The following PPP1R12A variants were observed in gnomAD, a reference collection of about 807,000 sequenced individuals.
PPP1R12A encodes the protein myosin binding subunit.
PPP1R12A carries 19 observed loss-of-function variants against 139.6 expected under a neutral mutation model. The ratio of observed to expected loss-of-function variants is 0.14; its 90% confidence interval spans 0.09 to 0.20. The LOEUF is 0.20. Among genes scored for constraint, PPP1R12A ranks in the 10% least tolerant of loss-of-function variants. The pLI is 1.00. For synonymous variants in PPP1R12A, 427 were observed against 420.6 expected, an observed-to-expected ratio of 1.02 and a Z score of -0.19; for missense variants, 925 against 1,211.5, an observed-to-expected ratio of 0.76 and a Z score of 3.51.
chr12:79,819,336 G>A (rs553375433), intron 8 of PPP1R12A: 15 of 152,258 alleles, frequency 9.9e-5, no homozygotes, highest in Middle Eastern at 3.4e-3. Context: ...TGGTAAAACT[G>A]GCCTAAGGTC....
chr12:79,887,075 A>C (rs1358940988), intron 1 of PPP1R12A, among the ~76,000 whole-genome samples: 1 of 152,154 alleles, frequency 6.6e-6, no homozygotes, highest in African/African-American at 2.4e-5. Flanking sequence ...TAATGCAGTA[A>C]GTCATTCATT....
chr12:79,856,118 C>A (rs1254824351), intron 2 of PPP1R12A, among the ~76,000 whole-genome samples: 1 of 152,142 alleles, frequency 6.6e-6, no homozygotes, highest in Non-Finnish European at 1.5e-5. Context: ...CTTGCCCAAC[C>A]TCTCTAATTT....
intron 14 of PPP1R12A, among the ~76,000 whole-genome samples, chr12:79,800,166 T>C (rs1024206841): frequency 4.6e-5 from 7 of 152,166 alleles, no homozygotes; most frequent in Admixed American, 3.9e-4. Context: ...AGAACACTTA[T>C]AGAACCAGAG....
chr12:79,887,620 A>G (rs911677391), intron 1 of PPP1R12A, among the ~76,000 whole-genome samples: 2 of 152,200 alleles, frequency 1.3e-5, no homozygotes, highest in African/African-American at 4.8e-5. Context: ...AGGCAGATAC[A>G]GAGAAAGGTT....
At chr12:79,935,099 G>T, upstream of PPP1R12A, 1 of 1,367,822 alleles carries the variant, frequency 7.3e-7, no homozygotes. Flanking sequence ...CAGAGCACTG[G>T]GGCGGCGCAC....
chr12:79,782,857 A>T (rs1417902237), intron 22 of PPP1R12A, among the ~76,000 whole-genome samples: 1 of 152,192 alleles, frequency 6.6e-6, no homozygotes, highest in Non-Finnish European at 1.5e-5. Flanking sequence ...TTAAAAACAT[A>T]TTGATTAAAC....
At chr12:79,878,153 T>G (rs982968190) in intron 1 of PPP1R12A, among the ~76,000 whole-genome samples, 1 of 152,004 alleles carries the variant, frequency 6.6e-6, no homozygotes, top group Non-Finnish European at 1.5e-5. Context: ...TTCACTTAAT[T>G]GTATACTTAA....
At chr12:79,782,467 AT>A in intron 22 of PPP1R12A, 3 of 393,216 alleles carry the variant, frequency 7.6e-6, no homozygotes, top group Non-Finnish European at 5.0e-6. Context: ...CAGGCCTTTC[AT>A]TTTTTCCACT....
intron 2 of PPP1R12A, among the ~76,000 whole-genome samples, chr12:79,856,455 T>C (rs1880668711): frequency 6.6e-6 from 1 of 152,366 alleles, no homozygotes; most frequent in African/African-American, 2.4e-5. Context: ...TAAATGCATA[T>C]TTATTTATCC....
chr12:79,861,280 A>T (rs759664390), intron 2 of PPP1R12A, among the ~76,000 whole-genome samples: 1 of 152,258 alleles, frequency 6.6e-6, no homozygotes, highest in Non-Finnish European at 1.5e-5. Context: ...TCAATTTGCC[A>T]ACTGATAAGG....
chr12:79,934,001 C>G (rs1408325731), intron 1 of PPP1R12A, among the ~76,000 whole-genome samples: 1 of 115,320 alleles, frequency 8.7e-6, no homozygotes, highest in Non-Finnish European at 2.1e-5. Flanking sequence ...TCAGACTCAA[C>G]ACGTTCCGGT....
rs559377450 is a variant in PPP1R12A, at chr12:79,856,320, G to C, written c.369-10900C>G. Among the ~76,000 whole-genome samples, 3 of 152,218 alleles carry C rather than the reference G, an allele frequency of 2.0e-5. No homozygotes were observed. In the South Asian group the frequency reaches 6.2e-4, roughly 32 times the overall value. On this transcript the variant is annotated intron_variant, in intron 2 of 24. Transcript: ENST00000450142. The stretch of plus-strand genomic sequence containing the variant: ...TCCAAGAAATTATGGCTCCAATAAG[G>C]CCCTTCTGTTTAATGCAATCAGAAC...
At chr12:79,882,487 A>C (rs1883727354) in intron 1 of PPP1R12A, among the ~76,000 whole-genome samples, 1 of 152,220 alleles carries the variant, frequency 6.6e-6, no homozygotes, top group Non-Finnish European at 1.5e-5. Context: ...CTCATGATTA[A>C]AACTTGAATA....
At chr12:79,923,744 T>A (rs942199224) in intron 1 of PPP1R12A, among the ~76,000 whole-genome samples, 1 of 152,118 alleles carries the variant, frequency 6.6e-6, no homozygotes, top group Non-Finnish European at 1.5e-5. Flanking sequence ...AAGCCATGTT[T>A]AAAAATAAAA....
intron 1 of PPP1R12A, among the ~76,000 whole-genome samples, chr12:79,911,561 A>G (rs962110464): frequency 3.9e-5 from 6 of 152,202 alleles, no homozygotes; most frequent in Non-Finnish European, 7.3e-5. Context: ...GTTTAACTAT[A>G]TAACAAACCT....
intron 2 of PPP1R12A, among the ~76,000 whole-genome samples, chr12:79,845,926 T>C (rs1370615308): frequency 1.3e-5 from 2 of 151,016 alleles, no homozygotes; most frequent in Non-Finnish European, 3.0e-5. Context: ...TTAGAAAGTC[T>C]CATAGGATCC....
intron 23 of PPP1R12A, chr12:79,780,528 C>G (rs1443744948): frequency 6.6e-6 from 1 of 152,034 alleles, no homozygotes; most frequent in African/African-American, 2.4e-5. Flanking sequence ...ATATTGTCTT[C>G]TTTTGTTAAA....
intron 3 of PPP1R12A, among the ~76,000 whole-genome samples, chr12:79,833,663 A>G (rs1435083030): frequency 2.5e-5 from 1 of 40,412 alleles, no homozygotes; most frequent in African/African-American, 9.4e-5. Flanking sequence ...CGTCTCTACT[A>G]AAAATACAAA....
intron 1 of PPP1R12A, among the ~76,000 whole-genome samples, chr12:79,919,554 CAAA>C (rs111334718): frequency 1.8e-5 from 2 of 112,092 alleles, no homozygotes; most frequent in African/African-American, 3.3e-5. Context: ...GACTCCATCT[CAAA>C]AAAAAAAAAA....
Sources: gnomAD v4.1 joint callset for allele counts (sites outside exome capture counted in the v4.1 genomes callset) on GRCh38, gnomAD v4.1.1 for gene constraint, MANE v1.5 for transcripts, NCBI Gene and HGNC (gene_info 2026-07-23, HGNC 2026-07-21) for gene names.